The following UNC5D variants were observed in gnomAD, a reference collection of about 807,000 sequenced individuals.
UNC5D encodes unc-5 netrin receptor D.
UNC5D carries 39 observed loss-of-function variants against 105.4 expected under a neutral mutation model. The observed-to-expected ratio is 0.37, with a 90% CI of 0.29 to 0.48. The LOEUF (loss-of-function observed/expected upper bound fraction) is 0.48, where lower values mean the gene tolerates loss of function less well. UNC5D is among the 20% of genes least tolerant of loss of function. UNC5D has a pLI of 0.98. For missense variants in UNC5D, 991 were observed against 1,202.4 expected (o/e 0.82, Z 2.60); for synonymous variants, 452 against 450.4 (o/e 1.00, Z -0.04).
chr8:35,578,401 C>G (rs776909927), intron 3 of UNC5D, among the ~76,000 whole-genome samples: 1 of 151,970 alleles, frequency 6.6e-6, no homozygotes, highest in Non-Finnish European at 1.5e-5. Context: ...CTGTGTTTCT[C>G]AAAATGCTGT....
intron 1 of UNC5D, among the ~76,000 whole-genome samples, chr8:35,311,200 A>T (rs1162137731): frequency 6.6e-6 from 1 of 152,198 alleles, no homozygotes; most frequent in Non-Finnish European, 1.5e-5. Context: ...TCTACAAAAC[A>T]AACAGTGGAA....
chr8:35,290,858 G>T (rs187626995), intron 1 of UNC5D, among the ~76,000 whole-genome samples: 10 of 150,964 alleles, frequency 6.6e-5, no homozygotes, highest in Non-Finnish European at 1.2e-4. Flanking sequence ...TGAGGCAGGA[G>T]AATCGCTTGA....
intron 1 of UNC5D, among the ~76,000 whole-genome samples, chr8:35,386,943 G>T (rs547368981): frequency 1.1e-3 from 172 of 152,176 alleles, no homozygotes; most frequent in Non-Finnish European, 2.0e-3. Context: ...TTGGAAATGA[G>T]AAGTGACTTA....
At chr8:35,424,276 A>G (rs952184817) in intron 1 of UNC5D, among the ~76,000 whole-genome samples, 7 of 152,242 alleles carry the variant, frequency 4.6e-5, no homozygotes, top group African/African-American at 1.7e-4. Flanking sequence ...TCACATTAAT[A>G]AAAAGGAATG....
chr8:35,280,094 C>T (rs1265838845), intron 1 of UNC5D, among the ~76,000 whole-genome samples: 4 of 152,120 alleles, frequency 2.6e-5, no homozygotes, highest in Admixed American at 6.6e-5. Context: ...CTCCTAGGTT[C>T]AAACAATTCT....
chr8:35,769,628 T>C (rs1356505275), intron 15 of UNC5D, among the ~76,000 whole-genome samples: 1 of 152,154 alleles, frequency 6.6e-6, no homozygotes, highest in Non-Finnish European at 1.5e-5. Context: ...ATTGTCTGAC[T>C]CACAGGAAAG....
rs1822641887 is a variant in UNC5D, at chr8:35,640,444, C to CTT, written c.571-43099_571-43098dup. Among the ~76,000 whole-genome samples the CTT allele has an allele frequency of 2.0e-5, 3 of 152,260 alleles. No homozygotes were observed. In the South Asian group the frequency reaches 6.2e-4, roughly 32 times the overall value. Reference sequence around the variant, plus strand: ...ATAATGTAGCTTGTGGTCAAAACTACTTTTTGCTTTCTTGATATGATGTTA... The same window carrying CTT: ...ATAATGTAGCTTGTGGTCAAAACTACTTTTTTTGCTTTCTTGATATGATGTTA... On this transcript the variant is annotated intron_variant, in intron 4 of 16. Transcript: ENST00000404895.
chr8:35,418,409 G>A (rs1266207774), intron 1 of UNC5D, among the ~76,000 whole-genome samples: 1 of 152,044 alleles, frequency 6.6e-6, no homozygotes, highest in Non-Finnish European at 1.5e-5. Flanking sequence ...ACATGTAAAG[G>A]CATTTTGAGC....
chr8:35,298,440 G>A (rs972791474), intron 1 of UNC5D, among the ~76,000 whole-genome samples: 5 of 152,112 alleles, frequency 3.3e-5, no homozygotes, highest in Non-Finnish European at 5.9e-5. Flanking sequence ...TTGAATGTGT[G>A]TGTTGGAGAT....
At chr8:35,642,564 G>A (rs1383584891) in intron 4 of UNC5D, among the ~76,000 whole-genome samples, 1 of 152,006 alleles carries the variant, frequency 6.6e-6, no homozygotes, top group African/African-American at 2.4e-5. Context: ...CTGATAAACC[G>A]AGTTGCACTG....
Position 35,685,612 on chromosome 8 carries a change from T to C in UNC5D, c.919+863T>C, listed in dbSNP as rs141665185. Among the ~76,000 whole-genome samples, 52 of 152,314 alleles carry C rather than the reference T, an allele frequency of 3.4e-4. 1 individual carries two copies. Among genetic ancestry groups the C allele is most frequent in the Non-Finnish European group, 4.4e-5 (3 of 68,030 alleles). ...TGGACTTATGTTCAATAAGCATTTA[T>C]TGAGTGCTTACTATGTGCCAGGTAC... is the stretch of plus-strand genomic sequence containing the variant. On this transcript the variant is annotated intron_variant, in intron 6 of 16. Transcript: ENST00000404895.
chr8:35,371,493 CTCATAGAGAAT>C (rs764384527), intron 1 of UNC5D, among the ~76,000 whole-genome samples: 3 of 152,062 alleles, frequency 2.0e-5, no homozygotes, highest in Non-Finnish European at 2.9e-5. Context: ...ACATGCAAAA[CTCATAGAGAAT>C]TATGACTAGA....
intron 4 of UNC5D, among the ~76,000 whole-genome samples, chr8:35,606,046 G>A (rs189023065): frequency 6.4e-4 from 97 of 151,416 alleles, no homozygotes; most frequent in African/African-American, 2.3e-3. Flanking sequence ...GGAGTGCAAC[G>A]GTGTGATCTC....
chr8:35,304,837 C>T (rs911250492), intron 1 of UNC5D, among the ~76,000 whole-genome samples: 16 of 152,098 alleles, frequency 1.1e-4, no homozygotes, highest in African/African-American at 2.4e-4. Flanking sequence ...CTTAGCTGCT[C>T]TCCCAAATAG....
intron 4 of UNC5D, among the ~76,000 whole-genome samples, chr8:35,676,909 T>C (rs1825271537): frequency 6.6e-6 from 1 of 152,034 alleles, no homozygotes; most frequent in Non-Finnish European, 1.5e-5. Context: ...AATATGTTTT[T>C]TTTTTGGTCC....
At chr8:35,552,234 T>C (rs1052575453) in intron 2 of UNC5D, among the ~76,000 whole-genome samples, 8 of 152,204 alleles carry the variant, frequency 5.3e-5, no homozygotes, top group Non-Finnish European at 7.3e-5. Flanking sequence ...AACAGCCCTA[T>C]TTTATACATT....
At chr8:35,258,658 T>C (rs1804244477) in intron 1 of UNC5D, among the ~76,000 whole-genome samples, 1 of 152,202 alleles carries the variant, frequency 6.6e-6, no homozygotes, top group Non-Finnish European at 1.5e-5. Context: ...TTATTAATAC[T>C]ACTGCTGCTG....
intron 1 of UNC5D, among the ~76,000 whole-genome samples, chr8:35,320,289 T>C (rs1809633183): frequency 6.6e-6 from 1 of 152,112 alleles, no homozygotes; most frequent in Non-Finnish European, 1.5e-5. Context: ...AGTTATTATC[T>C]TAAGACTCGG....
chr8:35,443,415 G>A (rs1807567037), intron 1 of UNC5D, among the ~76,000 whole-genome samples: 1 of 151,692 alleles, frequency 6.6e-6, no homozygotes, highest in African/African-American at 2.4e-5. Flanking sequence ...GCTGGAAAAA[G>A]TTGTGAAACA....
Sources: gnomAD v4.1 joint callset for allele counts (sites outside exome capture counted in the v4.1 genomes callset) on GRCh38, gnomAD v4.1.1 for gene constraint, MANE v1.5 for transcripts, NCBI Gene and HGNC (gene_info 2026-07-23, HGNC 2026-07-21) for gene names.